GABRB1: variants seen among roughly 807,000 people sequenced by gnomAD.
GABRB1 encodes gamma-aminobutyric acid type A receptor subunit beta1, also known as gamma-aminobutyric acid receptor subunit beta-1.
A neutral mutation model predicts 51.6 loss-of-function variants in GABRB1; 17 were observed. The observed-to-expected ratio is 0.33, with a 90% confidence interval of 0.23 to 0.49. The LOEUF (loss-of-function observed/expected upper bound fraction) is 0.49, where lower values mean the gene tolerates loss of function less well. Ranked by LOEUF, GABRB1 falls within the 20% of genes least tolerant of loss-of-function variation. The pLI, the probability that GABRB1 is intolerant of heterozygous loss-of-function variation, is 0.99. For synonymous variants in GABRB1, 247 were observed against 218.9 expected, an observed-to-expected ratio of 1.13 and a Z score of -1.14; for missense variants, 410 against 600.6, an observed-to-expected ratio of 0.68 and a Z score of 3.32.
intron 3 of GABRB1, among the ~76,000 whole-genome samples, chr4:47,115,098 C>T (rs769885203): frequency 6.6e-6 from 1 of 152,106 alleles, no homozygotes; most frequent in Non-Finnish European, 1.5e-5. Context: ...AATGATTACT[C>T]CTTTCTGAAG....
At chr4:47,168,192 A>G (rs548351267) in intron 4 of GABRB1, among the ~76,000 whole-genome samples, 29 of 152,310 alleles carry the variant, frequency 1.9e-4, no homozygotes, top group Admixed American at 4.6e-4. Flanking sequence ...ACAATGCTTA[A>G]TGCTCACCTA....
chr4:47,072,029 G>A (rs1471842929), intron 3 of GABRB1, among the ~76,000 whole-genome samples: 1 of 134,834 alleles, frequency 7.4e-6, no homozygotes, highest in Non-Finnish European at 1.6e-5. Context: ...TAATCTCTTA[G>A]TCATCAGTTA....
At chr4:47,299,187 T>C (rs910788935) in intron 4 of GABRB1, among the ~76,000 whole-genome samples, 1 of 152,162 alleles carries the variant, frequency 6.6e-6, no homozygotes, top group Non-Finnish European at 1.5e-5. Context: ...GGGCAAGGAC[T>C]TCATGTCTAA....
chr4:47,008,044 T>C (rs1274838803), intron 1 of GABRB1, among the ~76,000 whole-genome samples: 1 of 151,922 alleles, frequency 6.6e-6, no homozygotes, highest in Non-Finnish European at 1.5e-5. Context: ...TTGGTGAGTG[T>C]GGTTGCTTGA....
intron 4 of GABRB1, among the ~76,000 whole-genome samples, chr4:47,190,652 G>C (rs1035669251): frequency 6.6e-6 from 1 of 152,066 alleles, no homozygotes. Context: ...GTTGGGCAAG[G>C]CCACATAGGT....
At chr4:47,083,504 G>C (rs887749886) in intron 3 of GABRB1, among the ~76,000 whole-genome samples, 9 of 151,868 alleles carry the variant, frequency 5.9e-5, no homozygotes, top group African/African-American at 2.2e-4. Context: ...TTTTTTCATT[G>C]CTTATCATAA....
chr4:47,405,485 A>G (rs1006937555), intron 7 of GABRB1, among the ~76,000 whole-genome samples: 1 of 151,944 alleles, frequency 6.6e-6, no homozygotes, highest in Non-Finnish European at 1.5e-5. Flanking sequence ...TTACCTTTTC[A>G]TCTCATTGCT....
chr4:47,015,249 A>G (rs945205761), intron 1 of GABRB1, among the ~76,000 whole-genome samples: 5 of 152,198 alleles, frequency 3.3e-5, no homozygotes, highest in African/African-American at 4.8e-5. Flanking sequence ...TGAGACAGGA[A>G]AGAAAAGGCA....
intron 3 of GABRB1, among the ~76,000 whole-genome samples, chr4:47,039,727 C>A (rs1318996529): frequency 6.6e-6 from 1 of 152,112 alleles, no homozygotes; most frequent in African/African-American, 2.4e-5. Flanking sequence ...ATATACATTT[C>A]CACACAGAAG....
intron 1 of GABRB1, among the ~76,000 whole-genome samples, chr4:47,005,416 TCAAACAAA>T (rs569415815): frequency 4.6e-5 from 7 of 151,878 alleles, no homozygotes; most frequent in African/African-American, 9.7e-5. Flanking sequence ...GGACTCCGTC[TCAAACAAA>T]CAAACAAACA....
chr4:47,243,793 T>C (rs1399492544), intron 4 of GABRB1, among the ~76,000 whole-genome samples: 1 of 152,210 alleles, frequency 6.6e-6, no homozygotes, highest in East Asian at 1.9e-4. Flanking sequence ...GCTGAGACAA[T>C]GGGGTTTTCT....
At chr4:47,136,662 A>C (rs562549979) in intron 3 of GABRB1, among the ~76,000 whole-genome samples, 3 of 152,164 alleles carry the variant, frequency 2.0e-5, no homozygotes, top group Admixed American at 6.5e-5. Flanking sequence ...CACTCTAATG[A>C]TATGGTCTTT....
chr4:47,203,980 A>G (rs536761116), intron 4 of GABRB1, among the ~76,000 whole-genome samples: 6 of 152,310 alleles, frequency 3.9e-5, no homozygotes, highest in Admixed American at 6.5e-5. Flanking sequence ...GGCTAAAACC[A>G]GCTCAATAAT....
intron 5 of GABRB1, among the ~76,000 whole-genome samples, chr4:47,326,026 C>A (rs993263498): frequency 4.6e-5 from 7 of 152,076 alleles, no homozygotes; most frequent in Admixed American, 1.3e-4. Context: ...TGGAAAATTC[C>A]AGAAATAAAC....
intron 4 of GABRB1, among the ~76,000 whole-genome samples, chr4:47,281,278 AG>A (rs1166957108): frequency 6.6e-6 from 1 of 152,242 alleles, no homozygotes; most frequent in East Asian, 1.9e-4. Context: ...CAACTGGCCA[AG>A]AGAAATGTTA....
At chr4:47,071,282 T>A (rs552389200) in intron 3 of GABRB1, among the ~76,000 whole-genome samples, 2 of 152,332 alleles carry the variant, frequency 1.3e-5, no homozygotes, top group South Asian at 4.1e-4. Flanking sequence ...ACCTTCACCA[T>A]CTATGCACAA....
intron 4 of GABRB1, among the ~76,000 whole-genome samples, chr4:47,315,787 A>G (rs1241115148): frequency 6.6e-6 from 1 of 151,932 alleles, no homozygotes; most frequent in Non-Finnish European, 1.5e-5. Flanking sequence ...GGAACAGAAA[A>G]CCAAACACCA....
chr4:47,107,539 T>TC (rs1715019312), intron 3 of GABRB1, among the ~76,000 whole-genome samples: 1 of 152,112 alleles, frequency 6.6e-6, no homozygotes, highest in Non-Finnish European at 1.5e-5. Flanking sequence ...TCTGCTACTT[T>TC]CTATATGTGT....
At chr4:47,247,089 A>C (rs1475659554) in intron 4 of GABRB1, among the ~76,000 whole-genome samples, 1 of 152,004 alleles carries the variant, frequency 6.6e-6, no homozygotes, top group African/African-American at 2.4e-5. Context: ...TGGTCATGAA[A>C]TCCTTGCCTG....
Sources: gnomAD v4.1 joint callset for allele counts (sites outside exome capture counted in the v4.1 genomes callset) on GRCh38, gnomAD v4.1.1 for gene constraint, MANE v1.5 for transcripts, NCBI Gene and HGNC (gene_info 2026-07-23, HGNC 2026-07-21) for gene names.